MLLT10: variants seen among roughly 807,000 people sequenced by gnomAD.
MLLT10 encodes protein AF-10.
Under a neutral mutation model 129.1 loss-of-function variants are expected in MLLT10, and 30 were observed. The ratio of observed to expected loss-of-function variants is 0.23; its 90% confidence interval spans 0.17 to 0.32. MLLT10 has a LOEUF of 0.32. MLLT10 is among the 10% of genes least tolerant of loss of function. The probability of loss-of-function intolerance (pLI) is 1.00; values close to 1 mark genes in which losing one functional copy is unlikely to be tolerated. For synonymous variants in MLLT10, 490 were observed against 446.4 expected, an observed-to-expected ratio of 1.10 and a Z score of -1.23; for missense variants, 1,119 against 1,268.3, an observed-to-expected ratio of 0.88 and a Z score of 1.79.
chr10:21,566,107 G>A (rs926109827), intron 3 of MLLT10, among the ~76,000 whole-genome samples: 11 of 151,350 alleles, frequency 7.3e-5, no homozygotes, highest in Non-Finnish European at 1.2e-4. Context: ...CCACCACCAC[G>A]CCTGGCTAAA....
At chr10:21,704,025 T>TG (rs1481881256) in intron 13 of MLLT10, among the ~76,000 whole-genome samples, 13 of 136,068 alleles carry the variant, frequency 9.6e-5, no homozygotes, top group South Asian at 5.1e-4. Context: ...TGTTTTTTTT[T>TG]TTTTTTTTTT....
chr10:21,544,933 A>G (rs1056992663), intron 3 of MLLT10, among the ~76,000 whole-genome samples: 4 of 152,134 alleles, frequency 2.6e-5, no homozygotes, highest in Admixed American at 2.0e-4. Flanking sequence ...ATCACCTGAG[A>G]TCGGGAGTTT....
intron 9 of MLLT10, among the ~76,000 whole-genome samples, chr10:21,665,897 G>A (rs977531949): frequency 1.3e-5 from 2 of 151,970 alleles, no homozygotes; most frequent in African/African-American, 4.8e-5. Flanking sequence ...GGTAGAGACA[G>A]GGTTTTACCA....
chr10:21,573,988 T>C (rs1324174490), intron 3 of MLLT10, among the ~76,000 whole-genome samples: 1 of 152,198 alleles, frequency 6.6e-6, no homozygotes, highest in Non-Finnish European at 1.5e-5. Context: ...GGTATATTCA[T>C]TGGTATTCTT....
chr10:21,680,199 C>CTCTTT (rs1024374365), intron 11 of MLLT10, among the ~76,000 whole-genome samples: 3 of 151,750 alleles, frequency 2.0e-5, no homozygotes, highest in African/African-American at 7.3e-5. Flanking sequence ...TGTTATCTTT[C>CTCTTT]TCTTTTCTTT....
chr10:21,707,832 G>A (rs895377173), intron 13 of MLLT10, among the ~76,000 whole-genome samples: 13 of 152,246 alleles, frequency 8.5e-5, no homozygotes, highest in East Asian at 5.8e-4. Flanking sequence ...GGCTTTAGCT[G>A]TATTACCTGT....
chr10:21,735,356 T>G (rs368895312), intron 21 of MLLT10, 121 bp downstream of exon 21: 11 of 814,040 alleles, frequency 1.4e-5, no homozygotes, highest in Admixed American at 5.1e-5. Context: ...CAAAAAAGTT[T>G]TTCTTGCCAT....
At chr10:21,575,284 C>T (rs992029990) in intron 3 of MLLT10, among the ~76,000 whole-genome samples, 5 of 151,986 alleles carry the variant, frequency 3.3e-5, no homozygotes, top group African/African-American at 7.3e-5. Context: ...CTCTGCATCC[C>T]GGGTTCAAGC....
At chr10:21,637,154 C>CA (rs1382128857) in intron 8 of MLLT10, among the ~76,000 whole-genome samples, 1 of 152,140 alleles carries the variant, frequency 6.6e-6, no homozygotes, top group Non-Finnish European at 1.5e-5. Flanking sequence ...ATTCAGTTGG[C>CA]AAAATCATAA....
intron 8 of MLLT10, among the ~76,000 whole-genome samples, chr10:21,642,462 G>A (rs1311744913): frequency 6.6e-6 from 1 of 152,174 alleles, no homozygotes; most frequent in East Asian, 1.9e-4. Flanking sequence ...TTTAAGACCA[G>A]CCTGGCCAAC....
At chr10:21,645,180 T>TCATC (rs1457775996) in intron 8 of MLLT10, among the ~76,000 whole-genome samples, 2 of 152,332 alleles carry the variant, frequency 1.3e-5, no homozygotes, top group South Asian at 2.1e-4. Flanking sequence ...ATCCTGTAGC[T>TCATC]CAGTCTAGGG....
At position 21,643,111 on chromosome 10, in the gene MLLT10, C is replaced by CA. The variant is rs2048175424; in HGVS notation, c.700-8560dup. ...GCAGTGGTGCAATCTCGGCTCACTG[C>CA]AACCTCTGCCTCTCCAGTTCAAGCG... On this transcript the variant is annotated intron_variant, in intron 8 of 22. Transcript: ENST00000307729. Among the ~76,000 whole-genome samples, 3 of 152,302 alleles carry CA rather than the reference C, an allele frequency of 2.0e-5. No homozygotes were observed. In the South Asian group the frequency reaches 6.2e-4, roughly 32 times the overall value.
chr10:21,669,103 AT>A (rs375218528), intron 9 of MLLT10: 1,225 of 1,218,454 alleles, frequency 1.0e-3, no homozygotes, highest in African/African-American at 2.7e-3. Flanking sequence ...GTAAAATGGG[AT>A]TTTTTTTTTC....
chr10:21,548,376 C>CTTT (rs749491589), intron 3 of MLLT10, among the ~76,000 whole-genome samples: 2 of 140,868 alleles, frequency 1.4e-5, no homozygotes, highest in Non-Finnish European at 1.6e-5. Flanking sequence ...TCTATCTTAT[C>CTTT]TTTTTTTTTT....
intron 20 of MLLT10, 93 bp downstream of exon 20, chr10:21,734,222 T>A: frequency 1.4e-6 from 2 of 1,446,188 alleles, no homozygotes; most frequent in Non-Finnish European, 1.8e-6. Flanking sequence ...TGTTCCTTTG[T>A]AGATACACCT....
At chr10:21,561,801 C>T (rs2038845565) in intron 3 of MLLT10, among the ~76,000 whole-genome samples, 1 of 151,916 alleles carries the variant, frequency 6.6e-6, no homozygotes, top group Admixed American at 6.6e-5. Flanking sequence ...GTTTTTATGC[C>T]AGTACAACAG....
intron 8 of MLLT10, among the ~76,000 whole-genome samples, chr10:21,626,703 G>A (rs991952046): frequency 6.6e-6 from 1 of 152,116 alleles, no homozygotes; most frequent in Non-Finnish European, 1.5e-5. Context: ...GGCCCTCAAA[G>A]GAATAAAACT....
chr10:21,663,954 G>C (rs1426627903), intron 9 of MLLT10, among the ~76,000 whole-genome samples: 1 of 152,298 alleles, frequency 6.6e-6, no homozygotes, highest in East Asian at 1.9e-4. Flanking sequence ...TTAGGGCAGA[G>C]CAAAGACTTC....
intron 21 of MLLT10, among the ~76,000 whole-genome samples, chr10:21,739,347 G>A (rs575755490): frequency 6.6e-6 from 1 of 152,198 alleles, no homozygotes; most frequent in South Asian, 2.1e-4. Context: ...TCCACCCAGC[G>A]AATTCCCTCT....
Sources: gnomAD v4.1 joint callset for allele counts (sites outside exome capture counted in the v4.1 genomes callset) on GRCh38, gnomAD v4.1.1 for gene constraint, MANE v1.5 for transcripts, NCBI Gene and HGNC (gene_info 2026-07-23, HGNC 2026-07-21) for gene names.